Variants in TNS4 observed in about 807,000 individuals in gnomAD.
TNS4 encodes tensin-4.
In TNS4, 46 loss-of-function variants were observed where a neutral mutation model predicts 70.4. The observed-to-expected ratio is 0.65, with a 90% CI of 0.52 to 0.84. The LOEUF is 0.84. Among genes scored for constraint, TNS4 ranks in the 40% least tolerant of loss-of-function variants. The pLI, the probability that TNS4 is intolerant of heterozygous loss-of-function variation, is 0.00. For synonymous variants in TNS4, 390 were observed against 366.6 expected (o/e 1.06, Z -0.73); for missense variants, 863 against 907.0 (o/e 0.95, Z 0.62).
intron 6 of TNS4, among the ~76,000 whole-genome samples, chr17:40,482,818 C>T (rs113557550): frequency 0.035 from 5,285 of 152,196 alleles, 126 homozygotes; most frequent in Non-Finnish European, 0.049. Context: ...ATCCCCCTGC[C>T]TCTCCCTCCC....
Position 40,496,126 on chromosome 17 carries a change from G to A in TNS4, c.300C>T (p.Phe100=), listed in dbSNP as rs2036139573. 1 of 1,610,372 alleles carries A rather than the reference G, an allele frequency of 6.2e-7. No individual in the cohort carries two copies. The highest frequency in any genetic ancestry group is 1.7e-5 in the Admixed American group (1 of 59,108). The stretch of plus-strand genomic sequence containing the variant: ...TCATCTGATTGAGGCTCTCCAGTGA[G>A]AAGTCAATGTAGGAGTCAAGGTCCT... ...TPEDLDSYID[F]SLESLNQMIL... Residue 100 remains phenylalanine, a synonymous_variant, in exon 2 of 13, where the codon TTC becomes TTT. Transcript: ENST00000254051.
rs1200042571 is a variant in TNS4, at chr17:40,482,325, A to T, written c.1593T>A (p.Phe531Leu). The change falls in exon 7 of 13, where the codon TTT becomes TTA. Residue 531 changes from phenylalanine to leucine, a missense_variant and splice_region_variant. Physicochemically the swap from Phe to Leu is conservative, Grantham distance 22. Coordinates refer to ENST00000254051, the MANE Select transcript of TNS4 (RefSeq NM_032865.6). ...AGCCTGGAGGCTGGGGAGTCTCACC[A>T]AAGTAGGGCTCCTCATCTGCTCCTT... The part of the protein sequence containing the change: ...HLKGADEEPY[F>L]GSLSAFVCQH... 4 of 1,614,066 alleles carry T rather than the reference A, an allele frequency of 2.5e-6. No individual in the cohort carries two copies. The Admixed American group carries it at 5.0e-5, about 20-fold the overall frequency.
At position 40,478,611 on chromosome 17, in the gene TNS4, G is replaced by A. The variant is rs746125365; in HGVS notation, c.1948C>T (p.Arg650Cys). Residue 650 changes from arginine to cysteine, a missense_variant, in exon 11 of 13, where the codon CGC (arginine) becomes TGC (cysteine). By Grantham distance (180) the Arg-to-Cys change is radical (BLOSUM62 -3). Transcript: ENST00000254051. ...TGCTCAGGGTCCATACCACAGAAGC[G>A]GAGGGTGGTGAGTGGGTAATGGCGC... Reference protein sequence around the residue: ...FRRHYPLTTLRFCGMDPEQRK... With the variant: ...FRRHYPLTTLCFCGMDPEQRK... 47 of 1,614,058 alleles carry A rather than the reference G, an allele frequency of 2.9e-5. No homozygotes were observed. In the Admixed American group the frequency reaches 3.3e-4, roughly 11 times the overall value.
chr17:40,488,663 G>T lies in TNS4; in HGVS notation c.746C>A (p.Pro249Gln), dbSNP rs371709466. 1 of 1,563,978 alleles carries T rather than the reference G, an allele frequency of 6.4e-7. No homozygotes were observed. Among genetic ancestry groups the T allele is most frequent in the South Asian group, 1.2e-5 (1 of 85,544 alleles). ...KASSPHGLGS[P>Q]LVASPRLEKR... ...CTCCAGTCTTGGAGAAGCCACCAGC[G>T]GGGAGCCCAAACCATGGGGGCTCGA... The change falls in exon 3 of 13, where the codon CCG becomes CAG. Residue 249 changes from proline to glutamine, a missense_variant. By Grantham distance (76) the Pro-to-Gln change is moderately conservative (BLOSUM62 -1). Transcript: ENST00000254051.
intron 2 of TNS4, among the ~76,000 whole-genome samples, chr17:40,495,518 C>T (rs1285985969): frequency 6.6e-6 from 1 of 152,142 alleles, no homozygotes; most frequent in African/African-American, 2.4e-5. Context: ...ACAGATGCCC[C>T]AATCCTACCA....
chr17:40,488,660 A>T lies in TNS4; in HGVS notation c.749T>A (p.Leu250Gln). The T allele has an allele frequency of 6.4e-7, 1 of 1,561,234 alleles. No individual in the cohort carries two copies. The highest frequency in any genetic ancestry group is 8.7e-7 in the Non-Finnish European group (1 of 1,153,472). The stretch of plus-strand genomic sequence containing the variant: ...CTTCTCCAGTCTTGGAGAAGCCACC[A>T]GCGGGGAGCCCAAACCATGGGGGCT... The part of the protein sequence containing the change: ...ASSPHGLGSP[L>Q]VASPRLEKRL... Residue 250 changes from leucine to glutamine, a missense_variant, in exon 3 of 13, where the codon CTG (leucine) becomes CAG (glutamine). Physicochemically the swap from Leu to Gln is moderately radical, Grantham distance 113 (BLOSUM62 -2). Transcript: ENST00000254051.
chr17:40,477,997 G>C, intron 12 of TNS4: 1 of 599,136 alleles, frequency 1.7e-6, no homozygotes, highest in Non-Finnish European at 2.9e-6. Context: ...TTCCCCATTA[G>C]AGTGGAAGCT....
intron 8 of TNS4, among the ~76,000 whole-genome samples, chr17:40,481,030 T>C (rs982404933): frequency 1.3e-5 from 2 of 152,148 alleles, no homozygotes; most frequent in African/African-American, 4.8e-5. Context: ...CATGATCTTG[T>C]CCTCACAGGC....
chr17:40,482,442 C>T (rs769237473), intron 6 of TNS4, 26 bp from the exon 7 acceptor site: 12 of 1,611,342 alleles, frequency 7.4e-6, no homozygotes, highest in East Asian at 4.5e-5. Context: ...AGAGTGCATT[C>T]GGATAGAATT....
chr17:40,498,599 C>A (rs1471111202), intron 1 of TNS4, among the ~76,000 whole-genome samples: 1 of 152,158 alleles, frequency 6.6e-6, no homozygotes, highest in Non-Finnish European at 1.5e-5. Flanking sequence ...CTCTGTTGCC[C>A]AGGCTAGAGT....
chr17:40,489,666 G>A (rs938352939), intron 2 of TNS4, among the ~76,000 whole-genome samples: 1 of 151,946 alleles, frequency 6.6e-6, no homozygotes, highest in Non-Finnish European at 1.5e-5. Context: ...AATTAGCCGG[G>A]CACCTGTAAT....
At position 40,496,254 on chromosome 17, in the gene TNS4, G is replaced by A. The variant is rs1206113495; in HGVS notation, c.172C>T (p.Pro58Ser). ...WGAQALMAPV[P>S]CMGPPGRLQQ... ...AGTCGGCCAGGGGGCCCCATGCAGGGCACGGGGGCCATCAGGGCCTGGGCT... is the reference window on the plus strand; with the variant it reads ...AGTCGGCCAGGGGGCCCCATGCAGGACACGGGGGCCATCAGGGCCTGGGCT... The change falls in exon 2 of 13, where the codon CCC becomes TCC. Residue 58 changes from proline to serine, a missense_variant. Pro to Ser is a moderately conservative substitution (Grantham distance 74). Coordinates refer to ENST00000254051, the MANE Select transcript of TNS4 (RefSeq NM_032865.6). 6.2e-7 allele frequency: 1 copy of A among 1,602,898 alleles called. No homozygotes were observed. The highest frequency in any genetic ancestry group is 1.7e-5 in the Admixed American group (1 of 58,554).
intron 1 of TNS4, among the ~76,000 whole-genome samples, chr17:40,498,935 A>G (rs1024434343): frequency 2.0e-5 from 3 of 152,308 alleles, no homozygotes; most frequent in Admixed American, 6.5e-5. Context: ...TCACATCCAG[A>G]AAGATGGTGG....
chr17:40,495,756 T>A (rs1218737507), intron 2 of TNS4, among the ~76,000 whole-genome samples: 1 of 152,036 alleles, frequency 6.6e-6, no homozygotes, highest in Admixed American at 6.6e-5. Context: ...TCATAGAAAA[T>A]CAGTATCTAT....
intron 8 of TNS4, 38 bp downstream of exon 8, chr17:40,482,091 C>T: frequency 6.2e-7 from 1 of 1,609,502 alleles, no homozygotes; most frequent in Non-Finnish European, 8.5e-7. Flanking sequence ...CAAACAGGTC[C>T]CCCACCTTGG....
intron 1 of TNS4, among the ~76,000 whole-genome samples, chr17:40,497,406 C>T (rs546779417): frequency 6.6e-5 from 10 of 152,114 alleles, no homozygotes; most frequent in Non-Finnish European, 1.5e-4. Flanking sequence ...GAGTTCGAGA[C>T]CAGCCTGGTG....
rs767468561 is a variant in TNS4 at position 40,487,464 on chromosome 17, C to T, written c.864-4G>A. 2 of 1,596,900 alleles carry T rather than the reference C, an allele frequency of 1.3e-6. No individual in the cohort carries two copies. The highest frequency in any genetic ancestry group is 2.2e-5 in the South Asian group (2 of 88,916). On this transcript the variant is annotated splice_polypyrimidine_tract_variant and splice_region_variant and intron_variant, in intron 3 of 12. Coordinates refer to ENST00000254051, the MANE Select transcript of TNS4 (RefSeq NM_032865.6). ...GGAGTGCAGGAGGGACTGGCTGCTGCAGCGGGAGAGAGTCAGACAGGGTGT... is the reference window on the plus strand; with the variant it reads ...GGAGTGCAGGAGGGACTGGCTGCTGTAGCGGGAGAGAGTCAGACAGGGTGT...
At chr17:40,482,439 A>G in intron 6 of TNS4, 23 bp from the exon 7 acceptor site, 1 of 1,612,152 alleles carries the variant, frequency 6.2e-7, no homozygotes, top group Non-Finnish European at 8.5e-7. Context: ...GAAAGAGTGC[A>G]TTCGGATAGA....
rs1451217804 is a variant in TNS4 at position 40,500,239 on chromosome 17, C to T, written c.-96+1295G>A. On this transcript the variant is annotated intron_variant, in intron 1 of 12. Transcript: ENST00000254051. The stretch of plus-strand genomic sequence containing the variant: ...CGCTGCCCCTTCTGGGATTCTGGAA[C>T]CAAGAGGGACAGACCTGGAGCTGAG... 2.6e-5 allele frequency among the ~76,000 whole-genome samples: 4 copies of T among 152,342 alleles called. No homozygotes were observed. The South Asian group carries it at 8.3e-4, about 32-fold the overall frequency.
Sources: allele counts gnomAD v4.1 joint callset (sites outside exome capture counted in the v4.1 genomes callset), GRCh38; gene constraint gnomAD v4.1.1; transcripts MANE v1.5; gene names NCBI Gene and HGNC (gene_info 2026-07-23, HGNC 2026-07-21).